Variants in RYR2 observed in about 807,000 individuals in gnomAD.
RYR2 encodes ryanodine receptor 2, also known as cardiac muscle ryanodine receptor-calcium release channel.
RYR2 carries 227 observed loss-of-function variants against 601.1 expected under a neutral mutation model. The ratio of observed to expected loss-of-function variants is 0.38; its 90% confidence interval spans 0.34 to 0.42. The LOEUF (loss-of-function observed/expected upper bound fraction) is 0.42. Ranked by LOEUF, RYR2 falls within the 10% of genes least tolerant of loss-of-function variation. The pLI is 1.00. For missense variants in RYR2, 4,646 were observed against 6,156.5 expected, an observed-to-expected ratio of 0.75 and a Z score of 8.21; for synonymous variants, 2,223 against 2,175.1, an observed-to-expected ratio of 1.02 and a Z score of -0.61.
chr1:237,812,899 T>G (rs34447611), intron 100 of RYR2, among the ~76,000 whole-genome samples: 58,595 of 150,860 alleles, frequency 0.39, 11,765 homozygotes, highest in African/African-American at 0.51. Context: ...TATAAGTTTT[T>G]TTTTTTTTTT....
chr1:237,775,075 C>CAAAAAAAA (rs5781992), intron 87 of RYR2, among the ~76,000 whole-genome samples: 4 of 90,448 alleles, frequency 4.4e-5, no homozygotes, highest in East Asian at 7.0e-4. Context: ...CAATAAGAAC[C>CAAAAAAAA]AAAAAAAAAA....
chr1:237,185,703 A>T (rs1174391257), intron 1 of RYR2, among the ~76,000 whole-genome samples: 2 of 152,124 alleles, frequency 1.3e-5, no homozygotes, highest in Non-Finnish European at 2.9e-5. Flanking sequence ...GTGCATTCTC[A>T]GGGTAAAGCA....
chr1:237,607,707 C>T (rs1466631692), intron 35 of RYR2, among the ~76,000 whole-genome samples: 6 of 152,122 alleles, frequency 3.9e-5, no homozygotes, highest in Non-Finnish European at 5.9e-5. Flanking sequence ...CCATGCTAAT[C>T]AAAAAGTAGA....
At chr1:237,622,623 A>G (rs1328092697) in intron 38 of RYR2, among the ~76,000 whole-genome samples, 1 of 152,166 alleles carries the variant, frequency 6.6e-6, no homozygotes, top group Non-Finnish European at 1.5e-5. Flanking sequence ...TATTGAAAAT[A>G]TTCAGAAAAA....
At chr1:237,539,368 T>C (rs1361067814) in intron 25 of RYR2, among the ~76,000 whole-genome samples, 1 of 152,234 alleles carries the variant, frequency 6.6e-6, no homozygotes, top group Admixed American at 6.5e-5. Flanking sequence ...CCTTGGGCTA[T>C]GGTCTATGAA....
At chr1:237,356,084 T>A in intron 4 of RYR2, 99 bp downstream of exon 4, 1 of 1,055,814 alleles carries the variant, frequency 9.5e-7, no homozygotes, top group South Asian at 1.4e-5. Flanking sequence ...TGGCTTGTAC[T>A]ATTAGTGTTC....
At chr1:237,384,161 A>G (rs1178512896) in intron 8 of RYR2, among the ~76,000 whole-genome samples, 8 of 152,200 alleles carry the variant, frequency 5.3e-5, no homozygotes. Flanking sequence ...TATGACTGTA[A>G]TATGATCTTA....
chr1:237,122,552 T>C (rs1182309103), intron 1 of RYR2, among the ~76,000 whole-genome samples: 1 of 152,070 alleles, frequency 6.6e-6, no homozygotes, highest in Non-Finnish European at 1.5e-5. Flanking sequence ...CGTGGTGGCC[T>C]ACGCCTGTAA....
intron 5 of RYR2, among the ~76,000 whole-genome samples, chr1:237,367,423 C>G (rs980122107): frequency 1.3e-5 from 2 of 152,050 alleles, no homozygotes; most frequent in Non-Finnish European, 2.9e-5. Context: ...AGCAGTTTTT[C>G]TTATTTTAAT....
At chr1:237,521,366 G>T (rs1667068365) in intron 24 of RYR2, among the ~76,000 whole-genome samples, 1 of 152,142 alleles carries the variant, frequency 6.6e-6, no homozygotes, top group Non-Finnish European at 1.5e-5. Flanking sequence ...TAGCCAGTGT[G>T]TTCATTTCAA....
chr1:237,615,155 G>A (rs1350145448), intron 37 of RYR2, among the ~76,000 whole-genome samples: 2 of 151,966 alleles, frequency 1.3e-5, no homozygotes, highest in East Asian at 3.9e-4. Context: ...TGCACCCATT[G>A]TCACATAGCA....
chr1:237,197,725 A>G (rs1370303057), intron 1 of RYR2, among the ~76,000 whole-genome samples: 1 of 152,190 alleles, frequency 6.6e-6, no homozygotes, highest in Non-Finnish European at 1.5e-5. Context: ...GGGAATAGGA[A>G]GCAAAATGAA....
At chr1:237,541,677 A>T (rs1199348470) in intron 25 of RYR2, among the ~76,000 whole-genome samples, 2 of 152,158 alleles carry the variant, frequency 1.3e-5, no homozygotes, top group African/African-American at 2.4e-5. Flanking sequence ...AAAGAGAGTC[A>T]GCGAAGGGAG....
chr1:237,440,409 G>T lies in RYR2; in HGVS notation c.1006-910G>T, dbSNP rs148222508. Among the ~76,000 whole-genome samples, 936 of 152,288 alleles carry T rather than the reference G, an allele frequency of 6.1e-3. 12 individuals carry two copies. Among genetic ancestry groups the T allele is most frequent in the African/African-American group, 0.022 (894 of 41,552 alleles). ...AAGAATAAGAGACTAAAGAAAGGAG[G>T]TACCTTTGGCTTTTTCATTGCTGCT... On this transcript the variant is annotated intron_variant, in intron 12 of 104. Transcript: ENST00000366574.
intron 2 of RYR2, among the ~76,000 whole-genome samples, chr1:237,271,182 G>A (rs185797452): frequency 6.6e-6 from 1 of 152,124 alleles, no homozygotes; most frequent in Admixed American, 6.5e-5. Flanking sequence ...AGGACAGAAA[G>A]ATTGTTGGTA....
At chr1:237,362,766 T>A (rs963852960) in intron 4 of RYR2, among the ~76,000 whole-genome samples, 7 of 152,196 alleles carry the variant, frequency 4.6e-5, no homozygotes, top group Non-Finnish European at 1.0e-4. Flanking sequence ...TCTTTCATGT[T>A]CTTGATTATC....
chr1:237,660,428 C>A (rs549560883), intron 55 of RYR2, among the ~76,000 whole-genome samples: 16 of 152,038 alleles, frequency 1.1e-4, no homozygotes, highest in South Asian at 2.1e-4. Flanking sequence ...TATAGATTTT[C>A]ATATATTTTA....
At chr1:237,128,085 C>T (rs1169160647) in intron 1 of RYR2, among the ~76,000 whole-genome samples, 1 of 150,894 alleles carries the variant, frequency 6.6e-6, no homozygotes, top group African/African-American at 2.5e-5. Flanking sequence ...TGCACTCCAG[C>T]CTGGGCACCA....
intron 1 of RYR2, among the ~76,000 whole-genome samples, chr1:237,225,080 G>A (rs1684217209): frequency 6.6e-6 from 1 of 152,136 alleles, no homozygotes; most frequent in South Asian, 2.1e-4. Context: ...AACTATGAGA[G>A]CTCAATTTTG....
Sources: allele counts gnomAD v4.1 joint callset (sites outside exome capture counted in the v4.1 genomes callset), GRCh38; gene constraint gnomAD v4.1.1; transcripts MANE v1.5; gene names NCBI Gene and HGNC (gene_info 2026-07-23, HGNC 2026-07-21).